ABCB11: variants seen among roughly 807,000 people sequenced by gnomAD.
ABCB11 encodes bile salt export pump.
Under a neutral mutation model 148.0 loss-of-function variants are expected in ABCB11, and 95 were observed. The observed-to-expected ratio is 0.64, with a 90% CI of 0.54 to 0.76. The LOEUF (loss-of-function observed/expected upper bound fraction) is 0.76. Among genes scored for constraint, ABCB11 ranks in the 30% least tolerant of loss-of-function variants. The pLI, the probability that ABCB11 is intolerant of heterozygous loss-of-function variation, is 0.00. For missense variants in ABCB11, 1,523 were observed against 1,617.8 expected (o/e 0.94, Z 1.01); for synonymous variants, 591 against 555.4 (o/e 1.06, Z -0.90).
intron 25 of ABCB11, among the ~76,000 whole-genome samples, chr2:168,928,718 ATG>A (rs1691434212): frequency 1.3e-5 from 2 of 152,192 alleles, no homozygotes; most frequent in African/African-American, 2.4e-5. Flanking sequence ...TTCACAATCT[ATG>A]TTGGCTGCAG....
At chr2:169,004,043 T>C (rs371305468) in intron 5 of ABCB11, among the ~76,000 whole-genome samples, 2 of 152,234 alleles carry the variant, frequency 1.3e-5, no homozygotes, top group African/African-American at 4.8e-5. Context: ...TAGGTTTTCC[T>C]TTATAGGTTA....
Position 168,956,929 on chromosome 2 carries a change from CT to C in ABCB11, c.2343+1034del, listed in dbSNP as rs147554646. ...GCCCATATCCAAAAGCCTCTTGTGGCTCTCAGGCAGTCCCCAACTGGGTAAG... is the reference window on the plus strand; with the variant it reads ...GCCCATATCCAAAAGCCTCTTGTGGCCTCAGGCAGTCCCCAACTGGGTAAG... On this transcript the variant is annotated intron_variant, in intron 19 of 27. Transcript: ENST00000650372. Among the ~76,000 whole-genome samples the C allele has an allele frequency of 4.1e-3, 623 of 151,730 alleles. 5 individuals carry two copies. Among genetic ancestry groups the C allele is most frequent in the African/African-American group, 0.014 (576 of 41,470 alleles).
At chr2:169,010,150 G>A (rs2106041008) in intron 5 of ABCB11, among the ~76,000 whole-genome samples, 1 of 152,286 alleles carries the variant, frequency 6.6e-6, no homozygotes. Flanking sequence ...GTGACCCATA[G>A]AATATGGCAG....
rs931213719 is a variant in ABCB11 at position 168,920,824 on chromosome 2, A to C, written c.*2798T>G. ...ATGTTATTTATTTATTCATTTTTGAAGTTGTAATCTTCTCCTTTGTCACTG... is the reference window on the plus strand; with the variant it reads ...ATGTTATTTATTTATTCATTTTTGACGTTGTAATCTTCTCCTTTGTCACTG... On this transcript the variant is annotated 3_prime_UTR_variant, in exon 28 of 28. Coordinates refer to ENST00000650372, the MANE Select transcript of ABCB11 (RefSeq NM_003742.4). Among the ~76,000 whole-genome samples, 2 of 152,208 alleles carry C rather than the reference A, an allele frequency of 1.3e-5. No homozygotes were observed. The highest frequency in any genetic ancestry group is 4.8e-5 in the African/African-American group (2 of 41,470).
downstream of ABCB11, among the ~76,000 whole-genome samples, chr2:168,916,730 G>A (rs1339669898): frequency 6.6e-6 from 1 of 152,144 alleles, no homozygotes; most frequent in African/African-American, 2.4e-5. Flanking sequence ...TGGACACAGT[G>A]CTCATTTTAT....
chr2:168,964,377 A>T, intron 17 of ABCB11, 69 bp from the exon 18 acceptor site: 1 of 1,206,452 alleles, frequency 8.3e-7, no homozygotes, highest in African/African-American at 1.5e-5. Context: ...ACTGGTGTCC[A>T]AGTTTACATT....
Position 168,991,042 on chromosome 2 carries a change from G to C in ABCB11, c.784-117C>G, listed in dbSNP as rs896994685. ...TTTAATACAATATTAGATTCTCACT[G>C]TAACATCATTGACAGGAGGAAGAAA... is the stretch of plus-strand genomic sequence containing the variant. On this transcript the variant is annotated intron_variant, in intron 8 of 27. Coordinates refer to ENST00000650372, the MANE Select transcript of ABCB11 (RefSeq NM_003742.4). The C allele has an allele frequency of 8.2e-6, 10 of 1,220,202 alleles. No homozygotes were observed. In the African/African-American group the frequency reaches 1.5e-4, roughly 19 times the overall value. The allele number at this position is 1,220,202 out of a possible 1,614,324, so 75.6% of individuals were successfully genotyped here.
rs2105869983 is a variant in ABCB11, at chr2:168,921,516, GT to G, written c.*2105del. The stretch of plus-strand genomic sequence containing the variant: ...TGTATGTTCACTTTTATTGATTCCT[GT>G]TTTTATTTAAATAGATGGAAATATG... On this transcript the variant is annotated 3_prime_UTR_variant, in exon 28 of 28. Coordinates refer to ENST00000650372, the MANE Select transcript of ABCB11 (RefSeq NM_003742.4). Among the ~76,000 whole-genome samples, 1 of 152,144 alleles carries G rather than the reference GT, an allele frequency of 6.6e-6. No homozygotes were observed. The highest frequency in any genetic ancestry group is 1.9e-4 in the East Asian group (1 of 5,174).
rs752322076 is a variant in ABCB11, at chr2:168,990,807, A to G, written c.902T>C (p.Val301Ala). The G allele has an allele frequency of 6.2e-6, 10 of 1,612,710 alleles. 1 individual carries two copies. The South Asian group carries it at 1.1e-4, about 18-fold the overall frequency. Residue 301 changes from valine to alanine, a missense_variant, in exon 9 of 28, where the codon GTT becomes GCT. Transcript: ENST00000650372. ...VAAFGGEKRE[V>A]ERYEKNLVFA... ...CAGATTCCAATTAACCAACCTTTCA[A>G]CCTCTCTTTTCTCACCACCAAAAGC... is the stretch of plus-strand genomic sequence containing the variant.
rs1400787805 is a variant in ABCB11, at chr2:168,920,978, T to C, written c.*2644A>G. Among the ~76,000 whole-genome samples, 3 of 152,210 alleles carry C rather than the reference T, an allele frequency of 2.0e-5. No individual in the cohort carries two copies. Among genetic ancestry groups the C allele is most frequent in the Admixed American group, 2.0e-4 (3 of 15,288 alleles). ...CTCTTTCAGACTCCATAAATTCCTT[T>C]CCAGGAAACTGGCCACCTCCCAGCA... On this transcript the variant is annotated 3_prime_UTR_variant, in exon 28 of 28. Transcript: ENST00000650372.
intron 21 of ABCB11, 72 bp from the exon 22 acceptor site, chr2:168,936,505 G>A (rs377089992): frequency 1.4e-6 from 2 of 1,412,004 alleles, no homozygotes; most frequent in African/African-American, 1.4e-5. Context: ...ACACAAAAAG[G>A]TCAGACCTTT....
At chr2:169,017,828 T>C in intron 2 of ABCB11, 2 of 701,918 alleles carry the variant, frequency 2.8e-6, no homozygotes, top group South Asian at 1.5e-5. Flanking sequence ...TGAGAGATGC[T>C]TTCATTTACA....
rs1347837460 is a variant in ABCB11 at position 168,971,827 on chromosome 2, G to A, written c.1638+20C>T. On this transcript the variant is annotated intron_variant, in intron 14 of 27. Transcript: ENST00000650372. ...TCTATGACCTCTTAGTTTCTCCCAG[G>A]AATGTATGGCTAGGGGTACCTGTGG... 3 of 1,609,278 alleles carry A rather than the reference G, an allele frequency of 1.9e-6. No individual in the cohort carries two copies. The highest frequency in any genetic ancestry group is 2.6e-6 in the Non-Finnish European group (3 of 1,176,446).
intron 4 of ABCB11, 70 bp downstream of exon 4, chr2:169,014,233 A>T: frequency 9.1e-5 from 104 of 1,142,408 alleles, no homozygotes; most frequent in Non-Finnish European, 1.3e-4. Context: ...TAAAGATTTA[A>T]CACTCCCCTC....
At position 169,007,175 on chromosome 2, in the gene ABCB11, A is replaced by T. The variant is rs573445381; in HGVS notation, c.389+6097T>A. On this transcript the variant is annotated intron_variant, in intron 5 of 27. Coordinates refer to ENST00000650372, the MANE Select transcript of ABCB11 (RefSeq NM_003742.4). ...TAGATGTGTAGGTCAATGGAATAGC[A>T]TTGAGAGTCCACAAATAAACCCTCT... Among the ~76,000 whole-genome samples, 41 of 152,240 alleles carry T rather than the reference A, an allele frequency of 2.7e-4. No individual in the cohort carries two copies. The South Asian group carries it at 6.8e-3, about 25-fold the overall frequency.
At chr2:169,006,960 C>T (rs543829640) in intron 5 of ABCB11, among the ~76,000 whole-genome samples, 2 of 152,132 alleles carry the variant, frequency 1.3e-5, no homozygotes, top group Non-Finnish European at 2.9e-5. Flanking sequence ...CGGCAATATT[C>T]CTTAAACTGA....
At chr2:168,958,408 A>T (rs1337289652) in intron 18 of ABCB11, among the ~76,000 whole-genome samples, 1 of 151,616 alleles carries the variant, frequency 6.6e-6, no homozygotes, top group Non-Finnish European at 1.5e-5. Flanking sequence ...GAGAGTAATA[A>T]ATATGTTGGA....
In ABCB11 at chr2:168,924,557, C is replaced by T. The variant is rs564871804; in HGVS notation, c.3765+100G>A. The T allele has an allele frequency of 7.8e-5, 95 of 1,225,588 alleles. 1 individual carries two copies. Among genetic ancestry groups the T allele is most frequent in the South Asian group, 7.7e-4 (48 of 62,314 alleles). 75.9% of individuals were successfully genotyped at this position (1,225,588 alleles called of 1,614,324 possible). A position where few individuals can be genotyped will look rare whatever the true frequency, so the allele number is the denominator to read the frequency against. On this transcript the variant is annotated intron_variant, in intron 27 of 27. Coordinates refer to ENST00000650372, the MANE Select transcript of ABCB11 (RefSeq NM_003742.4). ...AAGTATTGCCAATTTCTACTGTTAACGAATCAGAAAATTGAAAATAGTGCC... is the reference window on the plus strand; with the variant it reads ...AAGTATTGCCAATTTCTACTGTTAATGAATCAGAAAATTGAAAATAGTGCC...
Position 169,013,301 on chromosome 2 carries a change from G to A in ABCB11, c.360C>T (p.Asn120=), listed in dbSNP as rs2106047580. The A allele has an allele frequency of 6.2e-7, 1 of 1,613,238 alleles. No individual in the cohort carries two copies. The highest frequency in any genetic ancestry group is 8.5e-7 in the Non-Finnish European group (1 of 1,179,390). ...AACGTGTTCCATTTGTCATGTTCTG[G>A]TTGAGGGAACTGTTAGTCCATACAA... The part of the protein sequence containing the change: ...NTIVWTNSSL[N]QNMTNGTRCG... The change falls in exon 5 of 28, where the codon AAC becomes AAT. Residue 120 remains asparagine, a synonymous_variant. Coordinates refer to ENST00000650372, the MANE Select transcript of ABCB11 (RefSeq NM_003742.4).
Sources: gnomAD v4.1 joint callset for allele counts (sites outside exome capture counted in the v4.1 genomes callset) on GRCh38, gnomAD v4.1.1 for gene constraint, MANE v1.5 for transcripts, NCBI Gene and HGNC (gene_info 2026-07-23, HGNC 2026-07-21) for gene names.